Variants in PCDHB7 observed in about 807,000 individuals in gnomAD.
PCDHB7 encodes the protein protocadherin beta 7.
For missense variants in PCDHB7, 1,148 were observed against 1,011.6 expected (o/e 1.13, Z -1.83); for synonymous variants, 542 against 463.1 (o/e 1.17, Z -2.19).
In PCDHB7 at chr5:141,173,708, G is replaced by T. The variant is rs782276991; in HGVS notation, c.873G>T (p.Thr291=). ...ACGCCACTGAAAGAATTCTCAAAAC[G>T]TTTCAAATCAATCCAACATCTGGCA... ...FSYATERILK[T]FQINPTSGSL... The change falls in exon 1 of 1, where the codon ACG becomes ACT. Residue 291 remains threonine, a synonymous_variant. Coordinates refer to ENST00000231137, the MANE Select transcript of PCDHB7 (RefSeq NM_018940.4). 3.7e-6 allele frequency: 6 copies of T among 1,613,896 alleles called. No homozygotes were observed. The highest frequency in any genetic ancestry group is 1.1e-5 in the South Asian group (1 of 91,068).
Position 141,174,501 on chromosome 5 carries a change from G to T in PCDHB7, c.1666G>T (p.Asp556Tyr), listed in dbSNP as rs781803189. Residue 556 changes from aspartate to tyrosine, a missense_variant, in exon 1 of 1, where the codon GAC becomes TAC. Physicochemically the swap from Asp to Tyr is radical, Grantham distance 160 (BLOSUM62 -3). Transcript: ENST00000231137. ...LVRVLVLDAN[D>Y]NSPFVLYPLQ... is the part of the protein sequence containing the mutation. ...GCGCGTGCTGGTGCTGGACGCCAAC[G>T]ACAACTCGCCCTTCGTGCTGTACCC... 1.9e-6 allele frequency: 3 copies of T among 1,611,024 alleles called. No individual in the cohort carries two copies. The highest frequency in any genetic ancestry group is 1.1e-5 in the South Asian group (1 of 90,970).
rs201129528 is a variant in PCDHB7 at position 141,174,163 on chromosome 5, A to C, written c.1328A>C (p.Asp443Ala). Residue 443 changes from aspartate to alanine, a missense_variant, in exon 1 of 1, where the codon GAC becomes GCC. Coordinates refer to ENST00000231137, the MANE Select transcript of PCDHB7 (RefSeq NM_018940.4). Reference sequence around the variant, plus strand: ...CACAACATAACCGTGCTGGTCTCCGACGTCAATGACAACGCTCCCGCCTTC... The same window carrying C: ...CACAACATAACCGTGCTGGTCTCCGCCGTCAATGACAACGCTCCCGCCTTC... ...TEHNITVLVS[D>A]VNDNAPAFTQ... 59 of 1,613,668 alleles carry C rather than the reference A, an allele frequency of 3.7e-5. No individual in the cohort carries two copies. Among genetic ancestry groups the C allele is most frequent in the Non-Finnish European group, 5.0e-5 (59 of 1,180,048 alleles).
chr5:141,174,003 C>G lies in PCDHB7; in HGVS notation c.1168C>G (p.Pro390Ala). The G allele has an allele frequency of 6.2e-7, 1 of 1,614,096 alleles. No homozygotes were observed. The highest frequency in any genetic ancestry group is 8.5e-7 in the Non-Finnish European group (1 of 1,179,970). Reference sequence around the variant, plus strand: ...AGTGTGCTCCATCCAGGACGATGTCCCCTTCATCCTGAAGCCATCTGTCGA... The same window carrying G: ...AGTGTGCTCCATCCAGGACGATGTCGCCTTCATCCTGAAGCCATCTGTCGA... ...KTVCSIQDDV[P>A]FILKPSVENF... Residue 390 changes from proline to alanine, a missense_variant, in exon 1 of 1, where the codon CCC becomes GCC. Coordinates refer to ENST00000231137, the MANE Select transcript of PCDHB7 (RefSeq NM_018940.4).
Position 141,175,434 on chromosome 5 carries a change from G to A in PCDHB7, c.*217G>A. On this transcript the variant is annotated 3_prime_UTR_variant, in exon 1 of 1. Transcript: ENST00000231137. ...GTAATGTTTTATGTCAAACAATTAT[G>A]CTTAATATACAGTCTATTAAATGTA... is the stretch of plus-strand genomic sequence containing the variant. The A allele has an allele frequency of 1.6e-6, 1 of 623,016 alleles. No individual in the cohort carries two copies. The highest frequency in any genetic ancestry group is 3.3e-5 in the East Asian group (1 of 29,886). 38.6% of individuals were successfully genotyped at this position (623,016 alleles called of 1,614,324 possible).
Position 141,174,446 on chromosome 5 carries a change from C to T in PCDHB7, c.1611C>T (p.Gly537=), listed in dbSNP as rs13185414. ...FEFRVGATDR[G]SPALSSEALV... ...TCCGCGTGGGCGCCACAGACCGCGG[C>T]TCCCCCGCGCTGAGCAGCGAGGCGC... Residue 537 remains glycine, a synonymous_variant, in exon 1 of 1, where the codon GGC becomes GGT. Transcript: ENST00000231137. 1.2e-6 allele frequency: 2 copies of T among 1,611,738 alleles called. No individual in the cohort carries two copies. The highest frequency in any genetic ancestry group is 3.3e-5 in the Admixed American group (2 of 59,912).
rs1214391052 is a variant in PCDHB7 at position 141,174,373 on chromosome 5, T to G, written c.1538T>G (p.Leu513Arg). 1.9e-6 allele frequency: 3 copies of G among 1,612,582 alleles called. No homozygotes were observed. The highest frequency in any genetic ancestry group is 1.7e-5 in the Admixed American group (1 of 59,892). ...LVSINADNGH[L>R]FALRSLDYEA... ...TCCATCAACGCGGACAACGGCCACC[T>G]GTTTGCCCTCAGGTCCCTGGACTAC... The change falls in exon 1 of 1, where the codon CTG (leucine) becomes CGG (arginine). Residue 513 changes from leucine (L) to arginine (R), a missense_variant. By Grantham distance (102) the Leu-to-Arg change is moderately radical. Coordinates refer to ENST00000231137, the MANE Select transcript of PCDHB7 (RefSeq NM_018940.4).
At position 141,174,714 on chromosome 5, in the gene PCDHB7, G is replaced by T. The variant is rs1237682951; in HGVS notation, c.1879G>T (p.Ala627Ser). The change falls in exon 1 of 1, where the codon GCC becomes TCC. Residue 627 changes from alanine (A) to serine (S), a missense_variant. Physicochemically the swap from Ala to Ser is moderately conservative, Grantham distance 99. Transcript: ENST00000231137. Reference sequence around the variant, plus strand: ...GGCGCACAATGGCGAGGTGCGTACCGCCAGGCTGCTGAGCGAGCGCGACGC... The same window carrying T: ...GGCGCACAATGGCGAGGTGCGTACCTCCAGGCTGCTGAGCGAGCGCGACGC... ...VWAHNGEVRTARLLSERDAAK... is the reference protein window; with the variant it reads ...VWAHNGEVRTSRLLSERDAAK... 3.1e-6 allele frequency: 5 copies of T among 1,610,832 alleles called. No individual in the cohort carries two copies. Among genetic ancestry groups the T allele is most frequent in the African/African-American group, 1.3e-5 (1 of 74,860 alleles).
chr5:141,173,837 G>C lies in PCDHB7; in HGVS notation c.1002G>C (p.Val334=). ...GGGLSGKCTV[V]VDVTDINDNR... ...GGCTTTCTGGAAAATGCACTGTAGT[G>C]GTTGATGTAACAGATATAAACGATA... The change falls in exon 1 of 1, where the codon GTG becomes GTC. Residue 334 remains valine (V), a synonymous_variant. Transcript: ENST00000231137. 1 of 1,614,176 alleles carries C rather than the reference G, an allele frequency of 6.2e-7. No homozygotes were observed. Among genetic ancestry groups the C allele is most frequent in the Non-Finnish European group, 8.5e-7 (1 of 1,180,034 alleles).
In PCDHB7 at chr5:141,174,175, A is replaced by G; in HGVS notation, c.1340A>G (p.Asn447Ser). The G allele has an allele frequency of 6.2e-7, 1 of 1,613,624 alleles. No individual in the cohort carries two copies. The highest frequency in any genetic ancestry group is 2.2e-5 in the East Asian group (1 of 44,870). Reference sequence around the variant, plus strand: ...GTGCTGGTCTCCGACGTCAATGACAACGCTCCCGCCTTCACCCAAACCTCC... The same window carrying G: ...GTGCTGGTCTCCGACGTCAATGACAGCGCTCCCGCCTTCACCCAAACCTCC... ...ITVLVSDVNDNAPAFTQTSYT... is the reference protein window; with the variant it reads ...ITVLVSDVNDSAPAFTQTSYT... Residue 447 changes from asparagine to serine, a missense_variant, in exon 1 of 1, where the codon AAC (asparagine) becomes AGC (serine). Asn to Ser is a conservative substitution (Grantham distance 46). Transcript: ENST00000231137.
Position 141,172,766 on chromosome 5 carries a change from CGCT to C in PCDHB7, c.-64_-62del. The C allele has an allele frequency of 3.1e-6, 4 of 1,286,966 alleles. No individual in the cohort carries two copies. The highest frequency in any genetic ancestry group is 4.4e-6 in the Non-Finnish European group (4 of 909,524). The allele number at this position is 1,286,966 out of a possible 1,614,324, so 79.7% of individuals were successfully genotyped here. On this transcript the variant is annotated 5_prime_UTR_variant, in exon 1 of 1. Transcript: ENST00000231137. The stretch of plus-strand genomic sequence containing the variant: ...TTATTCAGCTCATTTCAAAGGATTC[CGCT>C]GCTGCCATTTGTGAGAGCCGCTGGA...
rs914871954 is a variant in PCDHB7 at position 141,173,019 on chromosome 5, C to T, written c.184C>T (p.Arg62Trp). 1 of 1,614,082 alleles carries T rather than the reference C, an allele frequency of 6.2e-7. No homozygotes were observed. Among genetic ancestry groups the T allele is most frequent in the Admixed American group, 1.7e-5 (1 of 60,016 alleles). Residue 62 changes from arginine (R) to tryptophan (W), a missense_variant, in exon 1 of 1, where the codon CGG (arginine) becomes TGG (tryptophan). By Grantham distance (101) the Arg-to-Trp change is moderately radical (BLOSUM62 -3). Coordinates refer to ENST00000231137, the MANE Select transcript of PCDHB7 (RefSeq NM_018940.4). Reference protein sequence around the residue: ...LGLGVGELRARGTRIVSDQNM... With the variant: ...LGLGVGELRAWGTRIVSDQNM... ...GTTAGGGGTAGGGGAACTGAGAGCC[C>T]GGGGAACTAGAATTGTTTCAGACCA...
rs1554280228 is a variant in PCDHB7 at position 141,174,388 on chromosome 5, C to T, written c.1553C>T (p.Ser518Phe). 3.1e-6 allele frequency: 5 copies of T among 1,612,600 alleles called. No homozygotes were observed. In the East Asian group the frequency reaches 8.9e-5, roughly 29 times the overall value. The change falls in exon 1 of 1, where the codon TCC becomes TTC. Residue 518 changes from serine to phenylalanine, a missense_variant. Transcript: ENST00000231137. ...ADNGHLFALRSLDYEALQAFE... is the reference protein window; with the variant it reads ...ADNGHLFALRFLDYEALQAFE... ...AACGGCCACCTGTTTGCCCTCAGGT[C>T]CCTGGACTACGAGGCCCTGCAGGCG...
chr5:141,172,789 G>A lies in PCDHB7; in HGVS notation c.-47G>A, dbSNP rs782750718. ...TCCGCTGCTGCCATTTGTGAGAGCC[G>A]CTGGAGGCTGAGTGAAAGTCATTTT... is the stretch of plus-strand genomic sequence containing the variant. On this transcript the variant is annotated 5_prime_UTR_variant, in exon 1 of 1. Transcript: ENST00000231137. 2.5e-5 allele frequency: 38 copies of A among 1,496,592 alleles called. No homozygotes were observed. The highest frequency in any genetic ancestry group is 2.9e-5 in the Non-Finnish European group (32 of 1,087,522). The allele number at this position is 1,496,592 out of a possible 1,614,324, so 92.7% of individuals were successfully genotyped here.
At position 141,175,160 on chromosome 5, in the gene PCDHB7, GAGCAC is replaced by G; in HGVS notation, c.2328_2332del (p.Ser776ArgfsTer13). On this transcript the variant is annotated frameshift_variant, in exon 1 of 1. Coordinates refer to ENST00000231137, the MANE Select transcript of PCDHB7 (RefSeq NM_018940.4). LOFTEE classifies it low-confidence loss of function (END_TRUNC). ...CAATTATCCCCAACCTGCTACCCCA[GAGCAC>G]AGGCAGGGAAGTGGAAGAAAATCGC... 2 of 1,613,950 alleles carry G rather than the reference GAGCAC, an allele frequency of 1.2e-6. No individual in the cohort carries two copies. Among genetic ancestry groups the G allele is most frequent in the South Asian group, 2.2e-5 (2 of 91,054 alleles).
At position 141,172,739 on chromosome 5, in the gene PCDHB7, T is replaced by C; in HGVS notation, c.-97T>C. ...GAGGATCCTTCCCCACAAACATTGC[T>C]ATTATTCAGCTCATTTCAAAGGATT... On this transcript the variant is annotated 5_prime_UTR_variant, in exon 1 of 1. Coordinates refer to ENST00000231137, the MANE Select transcript of PCDHB7 (RefSeq NM_018940.4). 1.0e-6 allele frequency: 1 copy of C among 955,210 alleles called. No homozygotes were observed. The highest frequency in any genetic ancestry group is 1.6e-6 in the Non-Finnish European group (1 of 621,468). 59.2% of individuals were successfully genotyped at this position (955,210 alleles called of 1,614,324 possible).
Position 141,174,371 on chromosome 5 carries a change from C to T in PCDHB7, c.1536C>T (p.His512=). Residue 512 remains histidine, a synonymous_variant, in exon 1 of 1, where the codon CAC becomes CAT. Transcript: ENST00000231137. ...TCTCCATCAACGCGGACAACGGCCA[C>T]CTGTTTGCCCTCAGGTCCCTGGACT... ...SLVSINADNG[H]LFALRSLDYE... 1 of 1,612,766 alleles carries T rather than the reference C, an allele frequency of 6.2e-7. No individual in the cohort carries two copies. The highest frequency in any genetic ancestry group is 1.1e-5 in the South Asian group (1 of 91,012).
At position 141,175,401 on chromosome 5, in the gene PCDHB7, G is replaced by C. The variant is rs1471839559; in HGVS notation, c.*184G>C. ...AAGAACCCTTCACAAAGCATGAAAT[G>C]TATATGTGTAATGTTTTATGTCAAA... On this transcript the variant is annotated 3_prime_UTR_variant, in exon 1 of 1. Transcript: ENST00000231137. 1 of 720,436 alleles carries C rather than the reference G, an allele frequency of 1.4e-6. No individual in the cohort carries two copies. The highest frequency in any genetic ancestry group is 2.2e-5 in the South Asian group (1 of 46,166). 44.6% of individuals were successfully genotyped at this position (720,436 alleles called of 1,614,324 possible). A position where few individuals can be genotyped will look rare whatever the true frequency, so the allele number is the denominator to read the frequency against.
In PCDHB7 at chr5:141,174,524, C is replaced by A. The variant is rs782410105; in HGVS notation, c.1689C>A (p.Tyr563Ter). 6.2e-7 allele frequency: 1 copy of A among 1,610,656 alleles called. No homozygotes were observed. Among genetic ancestry groups the A allele is most frequent in the South Asian group, 1.1e-5 (1 of 90,978 alleles). Residue 563 changes from tyrosine to a stop codon, truncating the protein, a stop_gained, in exon 1 of 1, where the codon TAC (tyrosine) becomes TAA (stop). Transcript: ENST00000231137. LOFTEE classifies it low-confidence loss of function (END_TRUNC). ...DANDNSPFVL[Y>*]PLQNSSAPCT... Reference sequence around the variant, plus strand: ...ACGACAACTCGCCCTTCGTGCTGTACCCGCTGCAGAACAGCTCCGCGCCCT... The same window carrying A: ...ACGACAACTCGCCCTTCGTGCTGTAACCGCTGCAGAACAGCTCCGCGCCCT...
chr5:141,174,080 T>A lies in PCDHB7; in HGVS notation c.1245T>A (p.Thr415=). 6.2e-7 allele frequency: 1 copy of A among 1,614,170 alleles called. No individual in the cohort carries two copies. ...TEKPLDRERN[T]EYNITITVTD... ...AACCTTTGGATCGAGAGAGGAACAC[T>A]GAGTACAACATCACCATCACCGTCA... The change falls in exon 1 of 1, where the codon ACT becomes ACA. Residue 415 remains threonine (T), a synonymous_variant. Coordinates refer to ENST00000231137, the MANE Select transcript of PCDHB7 (RefSeq NM_018940.4).
Sources: gnomAD v4.1 joint callset for allele counts on GRCh38, gnomAD v4.1.1 for gene constraint, MANE v1.5 for transcripts, NCBI Gene and HGNC (gene_info 2026-07-23, HGNC 2026-07-21) for gene names.